The following HIVEP3 variants were observed in gnomAD, a reference collection of about 807,000 sequenced individuals.
HIVEP3 encodes HIVEP zinc finger 3, also known as transcription factor HIVEP3.
A neutral mutation model predicts 152.8 loss-of-function variants in HIVEP3; 49 were observed. The observed-to-expected ratio is 0.32, with a 90% CI of 0.26 to 0.41. HIVEP3 has a LOEUF of 0.41. Among genes scored for constraint, HIVEP3 ranks in the 10% least tolerant of loss-of-function variants. The probability of loss-of-function intolerance (pLI) is 1.00; values close to 1 mark genes in which losing one functional copy is unlikely to be tolerated. For synonymous variants in HIVEP3, 1,269 were observed against 1,289.0 expected (o/e 0.98, Z 0.33); for missense variants, 2,790 against 3,103.3 (o/e 0.90, Z 2.40).
intron 1 of HIVEP3, among the ~76,000 whole-genome samples, chr1:41,706,656 T>C (rs756411299): frequency 1.3e-4 from 20 of 151,610 alleles, no homozygotes; most frequent in Non-Finnish European, 2.9e-4. Flanking sequence ...CAGTAAAGAG[T>C]GAAGATGGGT....
At chr1:41,806,409 G>A (rs992456138) in intron 1 of HIVEP3, among the ~76,000 whole-genome samples, 2 of 152,222 alleles carry the variant, frequency 1.3e-5, no homozygotes, top group Non-Finnish European at 2.9e-5. Flanking sequence ...TGTCACAGTG[G>A]TTGACAGATT....
At chr1:41,968,370 C>T (rs778613182) in intron 1 of HIVEP3, among the ~76,000 whole-genome samples, 29 of 152,198 alleles carry the variant, frequency 1.9e-4, no homozygotes, top group African/African-American at 2.9e-4. Flanking sequence ...ACAATCAAGT[C>T]GGCTTCATCC....
At chr1:41,695,803 T>C (rs1168145822) in intron 2 of HIVEP3, among the ~76,000 whole-genome samples, 1 of 152,204 alleles carries the variant, frequency 6.6e-6, no homozygotes. Context: ...GTGAATTCTT[T>C]CTCAGGTGAA....
chr1:41,947,723 C>A (rs1175546439), intron 1 of HIVEP3, among the ~76,000 whole-genome samples: 10 of 152,164 alleles, frequency 6.6e-5, no homozygotes, highest in Admixed American at 5.9e-4. Context: ...TTACACAGGT[C>A]CGAGGGACGA....
intron 1 of HIVEP3, among the ~76,000 whole-genome samples, chr1:41,756,420 C>T (rs1239997572): frequency 1.3e-5 from 2 of 152,158 alleles, no homozygotes; most frequent in African/African-American, 4.8e-5. Context: ...ATGCCTACTA[C>T]AATACAGTAT....
At chr1:42,020,445 G>C (rs114795927) in intron 1 of HIVEP3, among the ~76,000 whole-genome samples, 2 of 151,024 alleles carry the variant, frequency 1.3e-5, no homozygotes, top group Non-Finnish European at 2.9e-5. Context: ...TGGTATATCA[G>C]GTTTTTTGGA....
At chr1:41,632,860 G>C (rs1645215628) in intron 2 of HIVEP3, among the ~76,000 whole-genome samples, 1 of 152,194 alleles carries the variant, frequency 6.6e-6, no homozygotes. Flanking sequence ...GGCTGGAGGT[G>C]AGGGGCAGCG....
intron 3 of HIVEP3, among the ~76,000 whole-genome samples, chr1:41,593,285 C>T (rs1015303168): frequency 2.0e-5 from 3 of 152,156 alleles, no homozygotes; most frequent in Non-Finnish European, 4.4e-5. Context: ...TTCCCGACGT[C>T]CTAATGTATT....
chr1:41,667,954 A>T (rs1346836412), intron 2 of HIVEP3, among the ~76,000 whole-genome samples: 1 of 152,208 alleles, frequency 6.6e-6, no homozygotes, highest in East Asian at 1.9e-4. Context: ...GAAGTGAGGG[A>T]AGGGGGACAT....
intron 1 of HIVEP3, among the ~76,000 whole-genome samples, chr1:41,715,740 G>A (rs1306362880): frequency 1.3e-5 from 2 of 152,212 alleles, no homozygotes; most frequent in African/African-American, 4.8e-5. Context: ...GGGAAAATGA[G>A]AGTGACCCTT....
chr1:41,782,758 T>G (rs1322214656), intron 1 of HIVEP3, among the ~76,000 whole-genome samples: 1 of 145,726 alleles, frequency 6.9e-6, no homozygotes, highest in African/African-American at 2.5e-5. Flanking sequence ...GGCTAAATAG[T>G]AACATTTTAA....
chr1:41,859,176 A>G (rs1643851135), intron 1 of HIVEP3, among the ~76,000 whole-genome samples: 1 of 152,202 alleles, frequency 6.6e-6, no homozygotes, highest in Non-Finnish European at 1.5e-5. Flanking sequence ...GGGTCTGTTT[A>G]CTTATTTATC....
At position 41,737,947 on chromosome 1, in the gene HIVEP3, G is replaced by C. The variant is rs56798542; in HGVS notation, c.-800-36952C>G. The stretch of plus-strand genomic sequence containing the variant: ...TGCCAGGCCCTGTGCTGGGGCCTTT[G>C]CTGTACCTGTTCTGTTCTGTGTCAC... On this transcript the variant is annotated intron_variant, in intron 1 of 8. Coordinates refer to ENST00000372583, the MANE Select transcript of HIVEP3 (RefSeq NM_024503.5). Among the ~76,000 whole-genome samples, 150 of 152,348 alleles carry C rather than the reference G, an allele frequency of 9.8e-4. 1 individual carries two copies. The highest frequency in any genetic ancestry group is 3.2e-3 in the African/African-American group (132 of 41,588).
intron 5 of HIVEP3, among the ~76,000 whole-genome samples, chr1:41,529,351 AC>A (rs1350149588): frequency 9.2e-6 from 1 of 108,516 alleles, no homozygotes; most frequent in African/African-American, 3.6e-5. Flanking sequence ...ACATGCTGAC[AC>A]CCCCACACTC....
At chr1:41,574,956 C>T (rs1044361556) in intron 5 of HIVEP3, among the ~76,000 whole-genome samples, 3 of 152,172 alleles carry the variant, frequency 2.0e-5, no homozygotes, top group Admixed American at 2.0e-4. Context: ...ATTCGTTTCC[C>T]AAAGTCAAGC....
intron 5 of HIVEP3, among the ~76,000 whole-genome samples, chr1:41,569,487 C>T (rs1644220513): frequency 6.6e-6 from 1 of 152,134 alleles, no homozygotes; most frequent in African/African-American, 2.4e-5. Flanking sequence ...CCAATAAATA[C>T]ACAGAGGTAA....
chr1:41,544,952 C>CACCA lies in HIVEP3; in HGVS notation c.5208-20043_5208-20042insTGGT, dbSNP rs1558046958. On this transcript the variant is annotated intron_variant, in intron 5 of 8. Transcript: ENST00000372583. ...CCATCACCACCACCACCACTACCAC[C>CACCA]TCTACCATCACCACCACCACCACTA... Among the ~76,000 whole-genome samples the CACCA allele has an allele frequency of 6.2e-3, 58 of 9,396 alleles. 26 individuals are homozygous for CACCA. The highest frequency in any genetic ancestry group is 0.012 in the African/African-American group (28 of 2,388). 6.2% of individuals were successfully genotyped at this position (9,396 alleles called of 152,430 possible).
rs367603708 is a variant in HIVEP3, at chr1:41,887,923, C to T, written c.-801+30490G>A. ...TCCAGTCCTTCAGTTGCAGTAACCA[C>T]GTTTTAAATACTTAATAGCCACATG... On this transcript the variant is annotated intron_variant, in intron 1 of 8. Transcript: ENST00000372583. Among the ~76,000 whole-genome samples the T allele has an allele frequency of 2.6e-5, 4 of 152,082 alleles. No homozygotes were observed. The South Asian group carries it at 8.3e-4, about 32-fold the overall frequency.
intron 1 of HIVEP3, among the ~76,000 whole-genome samples, chr1:41,990,638 G>A (rs1184324829): frequency 2.0e-5 from 3 of 150,924 alleles, no homozygotes; most frequent in African/African-American, 7.3e-5. Context: ...ACTCAGCTCT[G>A]CACCAAGCGG....
Sources: allele counts gnomAD v4.1 joint callset (sites outside exome capture counted in the v4.1 genomes callset), GRCh38; gene constraint gnomAD v4.1.1; transcripts MANE v1.5; gene names NCBI Gene and HGNC (gene_info 2026-07-23, HGNC 2026-07-21).